FLNC: variants seen among roughly 807,000 people sequenced by gnomAD.
FLNC encodes filamin C.
A neutral mutation model predicts 254.3 loss-of-function variants in FLNC; 91 were observed. The ratio of observed to expected loss-of-function variants is 0.36; its 90% CI spans 0.30 to 0.43. The LOEUF (loss-of-function observed/expected upper bound fraction) is 0.43, where lower values mean the gene tolerates loss of function less well. Among genes scored for constraint, FLNC ranks in the 20% least tolerant of loss-of-function variants. The pLI is 1.00. For missense variants in FLNC, 2,853 were observed against 3,802.6 expected (o/e 0.75, Z 6.57); for synonymous variants, 1,430 against 1,577.2 (o/e 0.91, Z 2.21).
chr7:128,837,271 TGGGGCAGGGGGGAAAG>T lies in FLNC; in HGVS notation c.699+25_699+40del, dbSNP rs773017453. ...GGGGTGCCCCAGGTACATGCGCAGA[TGGGGCAGGGGGGAAAG>T]GGGGCAGGGGCAGAGGTTGGGTCTG... On this transcript the variant is annotated intron_variant, in intron 3 of 47. Coordinates refer to ENST00000325888, the MANE Select transcript of FLNC (RefSeq NM_001458.5). The T allele has an allele frequency of 4.1e-6, 5 of 1,210,672 alleles. No homozygotes were observed. The South Asian group carries it at 5.1e-5, about 12-fold the overall frequency. 75.0% of individuals were successfully genotyped at this position (1,210,672 alleles called of 1,614,324 possible). A position where few individuals can be genotyped will look rare whatever the true frequency, so the allele number is the denominator to read the frequency against.
rs2128935277 is a variant in FLNC, at chr7:128,841,319, A to G, written c.1963A>G (p.Ile655Val). Residue 655 changes from isoleucine (I) to valine (V), a missense_variant, in exon 12 of 48, where the codon ATT becomes GTT. By Grantham distance (29) the Ile-to-Val change is conservative (BLOSUM62 3). Coordinates refer to ENST00000325888, the MANE Select transcript of FLNC (RefSeq NM_001458.5). The surrounding 1 kb of genome is among the most constrained non-coding windows in gnomAD (Gnocchi z 4.3). The part of the protein sequence containing the change: ...DDEDIRDSPF[I>V]AHILPAPPDC... ...TGAGGACATCCGAGACTCACCCTTC[A>G]TTGCCCACATCCTGCCCGCCCCACC... The G allele has an allele frequency of 2.5e-6, 4 of 1,613,902 alleles. No homozygotes were observed. In the South Asian group the frequency reaches 3.3e-5, roughly 13 times the overall value.
chr7:128,837,293 A>G, intron 3 of FLNC, 36 bp downstream of exon 3: 2 of 849,322 alleles, frequency 2.4e-6, no homozygotes, highest in East Asian at 3.1e-5. Context: ...GAAAGGGGGC[A>G]GGGGCAGAGG....
rs775538827 is a variant in FLNC at position 128,840,146 on chromosome 7, C to A, written c.1535C>A (p.Thr512Lys). 1.2e-6 allele frequency: 2 copies of A among 1,613,888 alleles called. No individual in the cohort carries two copies. The highest frequency in any genetic ancestry group is 1.7e-6 in the Non-Finnish European group (2 of 1,180,014). The change falls in exon 9 of 48, where the codon ACG becomes AAG. Residue 512 changes from threonine (T) to lysine (K), a missense_variant. Physicochemically the swap from Thr to Lys is moderately conservative, Grantham distance 78. Coordinates refer to ENST00000325888, the MANE Select transcript of FLNC (RefSeq NM_001458.5). ...GCCGGCAGCGGGGAGCTCAAGGTCA[C>A]GGTCAAGGGGCCAAGTGAGTGCCAG... ...KGAGSGELKV[T>K]VKGPKGTEEP... is the part of the protein sequence containing the mutation.
rs367991983 is a variant in FLNC, at chr7:128,858,805, C to T, written c.*282C>T. The T allele has an allele frequency of 5.0e-5, 25 of 504,990 alleles. No homozygotes were observed. Among genetic ancestry groups the T allele is most frequent in the Admixed American group, 1.6e-4 (5 of 30,608 alleles). The allele number at this position is 504,990 out of a possible 1,614,324, so 31.3% of individuals were successfully genotyped here. A position where few individuals can be genotyped will look rare whatever the true frequency, so the allele number is the denominator to read the frequency against. ...CAGAGGCTGGGACACAAGGGGCTGG[C>T]GAGGGCTGCGAGGCCAGGGAAGCCC... is the stretch of plus-strand genomic sequence containing the variant. On this transcript the variant is annotated 3_prime_UTR_variant, in exon 48 of 48. Transcript: ENST00000325888. The surrounding 1 kb of genome is among the most constrained non-coding windows in gnomAD (Gnocchi z 6.7).
chr7:128,851,067 C>T (rs1808788319), intron 33 of FLNC, 124 bp downstream of exon 33: 7 of 1,511,442 alleles, frequency 4.6e-6, no homozygotes, highest in Non-Finnish European at 6.4e-6. Flanking sequence ...CCAGGCGAGG[C>T]CCCAGGGAGG....
At position 128,842,987 on chromosome 7, in the gene FLNC, G is replaced by T. The variant is rs1808404935; in HGVS notation, c.2550+33G>T. The T allele has an allele frequency of 6.2e-7, 1 of 1,611,130 alleles. No homozygotes were observed. The highest frequency in any genetic ancestry group is 1.1e-5 in the South Asian group (1 of 90,950). On this transcript the variant is annotated intron_variant, in intron 16 of 47. Transcript: ENST00000325888. This position sits in a 1 kb window ranked among gnomAD's most constrained non-coding sequence, Gnocchi z 5.4. ...AGCTCCTGGGTACTCACAGCGACAT[G>T]CACCTGCCAGCTCCAGAAGGCAGCT...
chr7:128,832,596 C>T lies in FLNC; in HGVS notation c.352+1607C>T, dbSNP rs186516144. Among the ~76,000 whole-genome samples, 706 of 152,328 alleles carry T rather than the reference C, an allele frequency of 4.6e-3. 3 individuals carry two copies. Among genetic ancestry groups the T allele is most frequent in the Non-Finnish European group, 7.9e-3 (535 of 68,022 alleles). On this transcript the variant is annotated intron_variant, in intron 1 of 47. Coordinates refer to ENST00000325888, the MANE Select transcript of FLNC (RefSeq NM_001458.5). Reference sequence around the variant, plus strand: ...AGCACACCTCTCCCCTCCCCCGTGGCGGTGCCTGGCTCCAGCCCCCTTGGC... The same window carrying T: ...AGCACACCTCTCCCCTCCCCCGTGGTGGTGCCTGGCTCCAGCCCCCTTGGC...
chr7:128,849,381 G>A lies in FLNC; in HGVS notation c.5002G>A (p.Val1668Met). 2.5e-6 allele frequency: 4 copies of A among 1,614,180 alleles called. No homozygotes were observed. Among genetic ancestry groups the A allele is most frequent in the Non-Finnish European group, 3.4e-6 (4 of 1,180,042 alleles). ...GATTGGGCAGGAGACGGTGATCACG[G>A]TGGATGCCAAGGCAGCCGGTGAGGG... ...IQIGQETVIT[V>M]DAKAAGEGKV... The change falls in exon 30 of 48, where the codon GTG (valine) becomes ATG (methionine). Residue 1668 changes from valine (V) to methionine (M), a missense_variant. Val to Met is a conservative substitution (Grantham distance 21). Around this residue, in one of 10 missense-constraint regions of FLNC, gnomAD observed 258 missense variants for 312.3 expected, o/e 0.83. Transcript: ENST00000325888.
chr7:128,838,036 A>G lies in FLNC; in HGVS notation c.1019A>G (p.Tyr340Cys), dbSNP rs1362619480. Residue 340 changes from tyrosine to cysteine, a missense_variant, in exon 6 of 48, where the codon TAT becomes TGT. Tyr to Cys is a radical substitution (Grantham distance 194, BLOSUM62 -2). Around this residue, in one of 10 missense-constraint regions of FLNC, gnomAD observed 1,573 missense variants for 1,883.5 expected, o/e 0.84. Transcript: ENST00000325888. ...AAGGATCGCACCTATGCTGTCTCCT[A>G]TGTGCCCAAGGTCGCTGGGTTACAC... ...NDKDRTYAVS[Y>C]VPKVAGLHKV... 3.1e-6 allele frequency: 5 copies of G among 1,613,848 alleles called. No individual in the cohort carries two copies. In the African/African-American group the frequency reaches 4.0e-5, roughly 13 times the overall value.
rs911825567 is a variant in FLNC, at chr7:128,839,958, G to T, written c.1412-65G>T. ...GAGGGGTTAGAAGGACTGTGCACAG[G>T]GAGGTGGGGGCTAGTGGTCCAAGGC... On this transcript the variant is annotated intron_variant, in intron 8 of 47. Coordinates refer to ENST00000325888, the MANE Select transcript of FLNC (RefSeq NM_001458.5). 2.5e-6 allele frequency: 4 copies of T among 1,591,990 alleles called. No homozygotes were observed. The African/African-American group carries it at 5.3e-5, about 21-fold the overall frequency.
chr7:128,848,523 G>A, intron 26 of FLNC, 38 bp from the exon 27 acceptor site: 1 of 1,608,662 alleles, frequency 6.2e-7, no homozygotes, highest in East Asian at 2.2e-5. Flanking sequence ...CCCCGTCCAT[G>A]CCACCCAGCC....
chr7:128,833,598 C>T (rs1388319051), intron 1 of FLNC, among the ~76,000 whole-genome samples: 1 of 148,114 alleles, frequency 6.8e-6, no homozygotes, highest in Non-Finnish European at 1.5e-5. Flanking sequence ...TATGAATGAC[C>T]ACCCTCCCCA....
In FLNC at chr7:128,856,434, C is replaced by T. The variant is rs1809060076; in HGVS notation, c.7252-84C>T. On this transcript the variant is annotated intron_variant, in intron 43 of 47. Coordinates refer to ENST00000325888, the MANE Select transcript of FLNC (RefSeq NM_001458.5). This position sits in a 1 kb window ranked among gnomAD's most constrained non-coding sequence, Gnocchi z 5.9. Reference sequence around the variant, plus strand: ...GGCAGCAGCCTTTGGGCTGGGCTTACAGTGAGCACCGTGTGGGGCTTCAGA... The same window carrying T: ...GGCAGCAGCCTTTGGGCTGGGCTTATAGTGAGCACCGTGTGGGGCTTCAGA... The T allele has an allele frequency of 1.9e-6, 3 of 1,559,196 alleles. No individual in the cohort carries two copies. The highest frequency in any genetic ancestry group is 2.2e-5 in the East Asian group (1 of 44,632).
chr7:128,851,907 C>G (rs1808833581), intron 35 of FLNC, among the ~76,000 whole-genome samples: 2 of 152,190 alleles, frequency 1.3e-5, no homozygotes, highest in African/African-American at 4.8e-5. Context: ...GCTCTGTCAC[C>G]CAGGCTGGAG....
Position 128,846,127 on chromosome 7 carries a change from G to T in FLNC, c.3928G>T (p.Gly1310Cys), listed in dbSNP as rs767079356. The T allele has an allele frequency of 6.2e-7, 1 of 1,614,044 alleles. No individual in the cohort carries two copies. Among genetic ancestry groups the T allele is most frequent in the Middle Eastern group, 1.6e-4 (1 of 6,062 alleles). The stretch of plus-strand genomic sequence containing the variant: ...CACCTATGTGACAGACAATGGGGAC[G>T]GCACCTACCGAGTGCAGTACACCGC... ...TDTYVTDNGD[G>C]TYRVQYTAYE... The change falls in exon 22 of 48, where the codon GGC becomes TGC. Residue 1310 changes from glycine to cysteine, a missense_variant. Transcript: ENST00000325888.
chr7:128,847,042 G>T, intron 24 of FLNC, 137 bp downstream of exon 24: 1 of 1,111,980 alleles, frequency 9.0e-7, no homozygotes, highest in South Asian at 1.5e-5. Context: ...TGGGGCCGGA[G>T]CCCGGCCAGA....
chr7:128,856,808 A>G lies in FLNC; in HGVS notation c.7448A>G (p.Asn2483Ser), dbSNP rs1317593510. The G allele has an allele frequency of 6.2e-7, 1 of 1,614,092 alleles. No homozygotes were observed. Among genetic ancestry groups the G allele is most frequent in the South Asian group, 1.1e-5 (1 of 91,082 alleles). Residue 2483 changes from asparagine (N) to serine (S), a missense_variant, in exon 45 of 48, where the codon AAC (asparagine) becomes AGC (serine). This residue lies in a region of FLNC where 197 missense variants were observed against 351.5 expected (regional missense o/e 0.56). Transcript: ENST00000325888. This position sits in a 1 kb window ranked among gnomAD's most constrained non-coding sequence, Gnocchi z 5.9. Reference protein sequence around the residue: ...NGVHSIDVKFNGAHIPGSPFK... With the variant: ...NGVHSIDVKFSGAHIPGSPFK... ...GTCCACTCCATCGATGTCAAGTTCA[A>G]CGGTGCCCACATCCCTGGAAGTCCC...
intron 20 of FLNC, 39 bp downstream of exon 20, chr7:128,844,305 A>G (rs753593450): frequency 6.4e-7 from 1 of 1,572,738 alleles, no homozygotes. Flanking sequence ...GGAGTTGGGG[A>G]CTTGTTGGGA....
At chr7:128,848,431 C>T (rs530235957) in intron 26 of FLNC, 130 bp from the exon 27 acceptor site, 13 of 1,005,678 alleles carry the variant, frequency 1.3e-5, no homozygotes, top group South Asian at 6.4e-5. Flanking sequence ...GGGAACTGGT[C>T]CCTCCTCCCT....
Sources: allele counts gnomAD v4.1 joint callset (sites outside exome capture counted in the v4.1 genomes callset), GRCh38; gene constraint gnomAD v4.1.1; regional missense constraint gnomAD v4.1.1; non-coding constraint Gnocchi (gnomAD v3.1); transcripts MANE v1.5; gene names NCBI Gene and HGNC (gene_info 2026-07-23, HGNC 2026-07-21).